Variants in NCAM1 observed in about 807,000 individuals in gnomAD.
The protein encoded by NCAM1 is antigen recognized by monoclonal antibody 5.1H11.
Under a neutral mutation model 109.8 loss-of-function variants are expected in NCAM1, and 14 were observed. The observed-to-expected ratio is 0.13, with a 90% CI of 0.08 to 0.20. NCAM1 has a LOEUF of 0.20. NCAM1 is among the 10% of genes least tolerant of loss of function. The pLI is 1.00. For missense variants in NCAM1, 774 were observed against 1,109.9 expected (o/e 0.70, Z 4.30); for synonymous variants, 418 against 442.9 (o/e 0.94, Z 0.70).
intron 1 of NCAM1, among the ~76,000 whole-genome samples, chr11:113,045,813 A>T (rs1953249756): frequency 1.3e-5 from 2 of 151,964 alleles, no homozygotes; most frequent in African/African-American, 4.8e-5. Context: ...GAAGTGGCTC[A>T]ACTCAAGGAA....
Position 113,128,906 on chromosome 11 carries a change from G to GGTGTGT in NCAM1, c.53-73435_53-73430dup, listed in dbSNP as rs782123739. On this transcript the variant is annotated intron_variant, in intron 1 of 19. Coordinates refer to ENST00000316851, the MANE Select transcript of NCAM1 (RefSeq NM_181351.5). ...TAACTAAAATACTTCAAGTTGTGAG[G>GGTGTGT]GTGTGTGTGTGTGTGTGTGTGTGTG... is the stretch of plus-strand genomic sequence containing the variant. Among the ~76,000 whole-genome samples, 364 of 84,920 alleles carry GGTGTGT rather than the reference G, an allele frequency of 4.3e-3. 1 individual carries two copies. The highest frequency in any genetic ancestry group is 0.011 in the African/African-American group (344 of 30,892). The allele number at this position is 84,920 out of a possible 152,430, so 55.7% of individuals were successfully genotyped here.
intron 1 of NCAM1, among the ~76,000 whole-genome samples, chr11:113,085,423 T>A (rs1404370182): frequency 6.6e-6 from 1 of 152,238 alleles, no homozygotes; most frequent in Non-Finnish European, 1.5e-5. Context: ...ATTAGCCCCC[T>A]TGTGTGATTG....
intron 1 of NCAM1, among the ~76,000 whole-genome samples, chr11:112,980,643 A>G (rs1310326172): frequency 2.0e-5 from 3 of 151,738 alleles, no homozygotes; most frequent in African/African-American, 7.3e-5. Flanking sequence ...TTTTGAGGGT[A>G]CAGGTGGTTT....
intron 1 of NCAM1, among the ~76,000 whole-genome samples, chr11:113,026,186 A>G (rs1952540456): frequency 2.0e-5 from 3 of 152,234 alleles, no homozygotes; most frequent in African/African-American, 7.2e-5. Context: ...TGTACATTCC[A>G]GACATAGCAT....
chr11:112,966,435 G>T (rs1044695358), intron 1 of NCAM1, among the ~76,000 whole-genome samples: 1 of 152,158 alleles, frequency 6.6e-6, no homozygotes, highest in Admixed American at 6.5e-5. Context: ...TAATGATTAG[G>T]TTTCTATGAG....
At chr11:113,251,772 T>C (rs1945686818) in intron 15 of NCAM1, among the ~76,000 whole-genome samples, 1 of 152,134 alleles carries the variant, frequency 6.6e-6, no homozygotes, top group Admixed American at 6.6e-5. Flanking sequence ...AACTTACTCA[T>C]AATGATTTCA....
chr11:113,185,068 T>TTATATATATATATATATATATA lies in NCAM1; in HGVS notation c.53-17299_53-17298insTATATATATATATATATATATA, dbSNP rs148340673. On this transcript the variant is annotated intron_variant, in intron 1 of 19. Transcript: ENST00000316851. ...TATGTGTATGTGTGTGCATTTATAT[T>TTATATATATATATATATATATA]TATATATATATAGAGAGAGAGAGAG... Among the ~76,000 whole-genome samples, 79 of 99,542 alleles carry TTATATATATATATATATATATA rather than the reference T, an allele frequency of 7.9e-4. 1 individual carries two copies. Among genetic ancestry groups the TTATATATATATATATATATATA allele is most frequent in the African/African-American group, 2.3e-3 (56 of 23,982 alleles). The allele number at this position is 99,542 out of a possible 152,430, so 65.3% of individuals were successfully genotyped here. A position where few individuals can be genotyped will look rare whatever the true frequency, so the allele number is the denominator to read the frequency against.
chr11:113,260,172 C>G lies in NCAM1; in HGVS notation c.1980C>G (p.Ile660Met), dbSNP rs1555123043. 3.1e-6 allele frequency: 5 copies of G among 1,613,192 alleles called. No homozygotes were observed. The highest frequency in any genetic ancestry group is 3.3e-4 in the Middle Eastern group (2 of 6,070). ...RALSSEWKPE[I>M]RLPSGSDHVM... ...TCTCCTCCGAGTGGAAACCAGAGATCAGGCTCCCGTCTGGCAGTGACCACG... is the reference window on the plus strand; with the variant it reads ...TCTCCTCCGAGTGGAAACCAGAGATGAGGCTCCCGTCTGGCAGTGACCACG... Residue 660 changes from isoleucine (I) to methionine (M), a missense_variant, in exon 17 of 20, where the codon ATC (isoleucine) becomes ATG (methionine). Physicochemically the swap from Ile to Met is conservative, Grantham distance 10. Around this residue, in one of 4 missense-constraint regions of NCAM1, gnomAD observed 523 missense variants for 784.2 expected, o/e 0.67. Transcript: ENST00000316851.
rs1466457816 is a variant in NCAM1, at chr11:113,237,092, A to G, written c.1825+1928A>G. On this transcript the variant is annotated intron_variant, in intron 14 of 19. Coordinates refer to ENST00000316851, the MANE Select transcript of NCAM1 (RefSeq NM_181351.5). ...TAGGGAAGGGGAGATTCCCCACTGGAAGGACACCCTTCATCATGTAAGCTG... is the reference window on the plus strand; with the variant it reads ...TAGGGAAGGGGAGATTCCCCACTGGGAGGACACCCTTCATCATGTAAGCTG... Among the ~76,000 whole-genome samples the G allele has an allele frequency of 3.3e-5, 5 of 152,236 alleles. No individual in the cohort carries two copies. In the East Asian group the frequency reaches 9.7e-4, roughly 29 times the overall value.
chr11:113,120,909 T>C (rs1940926588), intron 1 of NCAM1, among the ~76,000 whole-genome samples: 1 of 152,146 alleles, frequency 6.6e-6, no homozygotes, highest in South Asian at 2.1e-4. Context: ...CATGATGCTG[T>C]TTGGGAATTG....
intron 1 of NCAM1, among the ~76,000 whole-genome samples, chr11:113,050,623 GA>G (rs1158994797): frequency 2.0e-5 from 3 of 148,124 alleles, no homozygotes; most frequent in Non-Finnish European, 4.5e-5. Context: ...GATGCCTACA[GA>G]AAAAAAAATA....
chr11:113,008,455 G>A (rs1555073713), intron 1 of NCAM1, among the ~76,000 whole-genome samples: 2 of 152,156 alleles, frequency 1.3e-5, no homozygotes, highest in Non-Finnish European at 2.9e-5. Context: ...CATTTCAGCC[G>A]TGGAAATATT....
intron 1 of NCAM1, among the ~76,000 whole-genome samples, chr11:113,034,295 C>T (rs1332694336): frequency 6.6e-6 from 1 of 151,938 alleles, no homozygotes; most frequent in Admixed American, 6.6e-5. Flanking sequence ...TTCACTTTCA[C>T]CTACCCTTTA....
intron 1 of NCAM1, among the ~76,000 whole-genome samples, chr11:113,169,120 G>A (rs1294006448): frequency 6.6e-6 from 1 of 150,460 alleles, no homozygotes; most frequent in Non-Finnish European, 1.5e-5. Flanking sequence ...TTGCTTTGTA[G>A]AAGTAACAGC....
intron 1 of NCAM1, among the ~76,000 whole-genome samples, chr11:112,991,998 T>G (rs1951469178): frequency 6.6e-6 from 1 of 152,126 alleles, no homozygotes; most frequent in Non-Finnish European, 1.5e-5. Flanking sequence ...ATTGTTGAAG[T>G]ATCTTTTATT....
At chr11:112,979,295 T>C (rs1951089029) in intron 1 of NCAM1, among the ~76,000 whole-genome samples, 1 of 151,770 alleles carries the variant, frequency 6.6e-6, no homozygotes, top group Admixed American at 6.6e-5. Context: ...GGTTTCATAA[T>C]AAATTTTTTT....
intron 14 of NCAM1, among the ~76,000 whole-genome samples, chr11:113,245,250 G>A (rs552235280): frequency 2.0e-5 from 3 of 152,132 alleles, no homozygotes; most frequent in African/African-American, 7.2e-5. Context: ...AGCCCAGCGG[G>A]GCCAACAGGG....
chr11:113,066,755 C>CT (rs1359085819), intron 1 of NCAM1, among the ~76,000 whole-genome samples: 3 of 152,048 alleles, frequency 2.0e-5, no homozygotes, highest in African/African-American at 7.2e-5. Flanking sequence ...AATCCCAGCA[C>CT]TTTGGGAGGC....
At chr11:113,176,580 G>A (rs1943149466) in intron 1 of NCAM1, among the ~76,000 whole-genome samples, 1 of 152,224 alleles carries the variant, frequency 6.6e-6, no homozygotes, top group Non-Finnish European at 1.5e-5. Context: ...CCACCTCAGA[G>A]AACACCCACT....
Sources: allele counts gnomAD v4.1 joint callset (sites outside exome capture counted in the v4.1 genomes callset), GRCh38; gene constraint gnomAD v4.1.1; regional missense constraint gnomAD v4.1.1; transcripts MANE v1.5; gene names NCBI Gene and HGNC (gene_info 2026-07-23, HGNC 2026-07-21).